The following DHX8 variants were observed in gnomAD, a reference collection of about 807,000 sequenced individuals.
DHX8 encodes DEAH-box helicase 8, also known as ATP-dependent RNA helicase DHX8.
DHX8 carries 67 observed loss-of-function variants against 140.7 expected under a neutral mutation model. The observed-to-expected ratio is 0.48, with a 90% CI of 0.39 to 0.58. DHX8 has a LOEUF of 0.58. Ranked by LOEUF, DHX8 falls within the 20% of genes least tolerant of loss-of-function variation. The pLI is 0.00. For missense variants in DHX8, 887 were observed against 1,550.7 expected (o/e 0.57, Z 7.19); for synonymous variants, 533 against 553.2 (o/e 0.96, Z 0.51).
chr17:43,500,122 T>C lies in DHX8; in HGVS notation c.1546+19T>C. 6.2e-7 allele frequency: 1 copy of C among 1,605,884 alleles called. No individual in the cohort carries two copies. Among genetic ancestry groups the C allele is most frequent in the Non-Finnish European group, 8.5e-7 (1 of 1,175,584 alleles). ...CCTGATGGTAGGACCCTTGGAGGGGTGTATGGACCTTGTTTAAAAATCTGA... is the reference window on the plus strand; with the variant it reads ...CCTGATGGTAGGACCCTTGGAGGGGCGTATGGACCTTGTTTAAAAATCTGA... On this transcript the variant is annotated intron_variant, in intron 11 of 22. Coordinates refer to ENST00000262415, the MANE Select transcript of DHX8 (RefSeq NM_004941.3).
At chr17:43,537,771 G>A (rs1055093055) in intron 3 of DHX8, among the ~76,000 whole-genome samples, 2 of 151,878 alleles carry the variant, frequency 1.3e-5, no homozygotes, top group Non-Finnish European at 2.9e-5. Flanking sequence ...GTGGTGGGCG[G>A]ATCACGAGGT....
chr17:43,505,226 G>A (rs372024115), intron 12 of DHX8, among the ~76,000 whole-genome samples: 29 of 152,196 alleles, frequency 1.9e-4, no homozygotes, highest in East Asian at 1.5e-3. Flanking sequence ...TGGCCAACAC[G>A]GTGAAACCTT....
In DHX8 at chr17:43,507,534, C is replaced by G. The variant is rs1598154128; in HGVS notation, c.1955C>G (p.Thr652Ser). ...VGYTIRFEDC[T>S]SPETVIKYMT... Reference sequence around the variant, plus strand: ...TACACCATTCGATTTGAGGACTGCACTAGCCCTGAAACAGTCATCAAGTAC... The same window carrying G: ...TACACCATTCGATTTGAGGACTGCAGTAGCCCTGAAACAGTCATCAAGTAC... The change falls in exon 14 of 23, where the codon ACT becomes AGT. Residue 652 changes from threonine to serine, a missense_variant. Physicochemically the swap from Thr to Ser is moderately conservative, Grantham distance 58 (BLOSUM62 1). Around this residue, in one of 9 missense-constraint regions of DHX8, gnomAD observed 178 missense variants for 398.5 expected, o/e 0.45. Transcript: ENST00000262415. 6.2e-7 allele frequency: 1 copy of G among 1,614,112 alleles called. No homozygotes were observed. The highest frequency in any genetic ancestry group is 8.5e-7 in the Non-Finnish European group (1 of 1,180,020).
At chr17:43,500,188 T>A in intron 11 of DHX8, 85 bp downstream of exon 11, 1 of 1,472,324 alleles carries the variant, frequency 6.8e-7, no homozygotes, top group Non-Finnish European at 9.2e-7. Flanking sequence ...CGGCACACAC[T>A]AAAAATTTAC....
chr17:43,523,062 C>CAAA (rs5820498), intron 22 of DHX8, among the ~76,000 whole-genome samples: 7 of 102,708 alleles, frequency 6.8e-5, no homozygotes, highest in East Asian at 2.7e-4. Context: ...GACTCCGTCC[C>CAAA]AAAAAAAAAA....
At chr17:43,532,402 G>A (rs547206655) in intron 2 of DHX8, among the ~76,000 whole-genome samples, 1 of 152,194 alleles carries the variant, frequency 6.6e-6, no homozygotes, top group East Asian at 1.9e-4. Context: ...GGGAGGCTGA[G>A]GCACAAGAAT....
At chr17:43,525,743 TAC>T, downstream of DHX8, 7 of 984,892 alleles carry the variant, frequency 7.1e-6, no homozygotes, top group Non-Finnish European at 8.4e-6. Flanking sequence ...TAGCTGGGAC[TAC>T]AGGTGCATGC....
At position 43,496,168 on chromosome 17, in the gene DHX8, C is replaced by T. The variant is rs2154586461; in HGVS notation, c.1213-13C>T. On this transcript the variant is annotated splice_polypyrimidine_tract_variant and intron_variant, in intron 8 of 22. Transcript: ENST00000262415. ...TAGCAGGTTACAAATGCTGCCTTCT[C>T]TTCTTTGGCTAGATGATTGCTGCCA... The T allele has an allele frequency of 1.9e-6, 3 of 1,608,690 alleles. No homozygotes were observed. Among genetic ancestry groups the T allele is most frequent in the Non-Finnish European group, 2.5e-6 (3 of 1,176,898 alleles).
At position 43,490,362 on chromosome 17, in the gene DHX8, C is replaced by A. The variant is rs138380766; in HGVS notation, c.235-29C>A. ...ATTTAAGCACTGATATGGGAGCTGA[C>A]AATTTTCGTTCTATGTTTCTTTTCA... On this transcript the variant is annotated intron_variant, in intron 2 of 22. Transcript: ENST00000262415. 7.3e-5 allele frequency: 116 copies of A among 1,591,470 alleles called. 1 individual carries two copies. The East Asian group carries it at 1.2e-3, about 17-fold the overall frequency.
intron 3 of DHX8, among the ~76,000 whole-genome samples, chr17:43,543,097 C>G (rs981707779): frequency 2.2e-4 from 34 of 152,094 alleles, no homozygotes; most frequent in African/African-American, 5.3e-4. Context: ...GCATCCCCCC[C>G]TCAGACCTGG....
intron 15 of DHX8, 122 bp downstream of exon 15, chr17:43,508,141 C>T (rs1431935120): frequency 8.7e-7 from 1 of 1,150,504 alleles, no homozygotes; most frequent in Non-Finnish European, 1.2e-6. Context: ...ATTCATCTCT[C>T]TGCAAGCCTC....
rs1598107086 is a variant in DHX8 at position 43,484,274 on chromosome 17, G to GA, written c.148+92dup. 1.9e-5 allele frequency: 27 copies of GA among 1,411,864 alleles called. No individual in the cohort carries two copies. In the East Asian group the frequency reaches 6.2e-4, roughly 33 times the overall value. 87.5% of individuals were successfully genotyped at this position (1,411,864 alleles called of 1,614,324 possible). ...GAAGGAGAAAGGTGGTTGATGGACC[G>GA]AAAGTATGTTCGTGTGAATCTGTCT... On this transcript the variant is annotated intron_variant, in intron 1 of 22. Transcript: ENST00000262415.
chr17:43,488,883 T>A (rs897879487), intron 1 of DHX8, among the ~76,000 whole-genome samples: 9 of 152,236 alleles, frequency 5.9e-5, no homozygotes, highest in African/African-American at 2.2e-4. Flanking sequence ...CTAGTTTAAA[T>A]GCACTCAAGG....
chr17:43,490,291 T>G, intron 2 of DHX8, 100 bp from the exon 3 acceptor site: 7 of 844,160 alleles, frequency 8.3e-6, no homozygotes, highest in Non-Finnish European at 1.4e-5. Flanking sequence ...TAAATTCAAG[T>G]GCGTAACCAC....
chr17:43,526,033 C>T (rs1970603637), downstream of DHX8: 1 of 985,276 alleles, frequency 1.0e-6, no homozygotes, highest in African/African-American at 1.7e-5. Context: ...TACGCTAGAG[C>T]TGAGGTCACT....
chr17:43,516,165 G>C (rs980761328), intron 17 of DHX8, among the ~76,000 whole-genome samples: 21 of 151,796 alleles, frequency 1.4e-4, no homozygotes, highest in Non-Finnish European at 2.8e-4. Context: ...ATGCAGTTTT[G>C]TATATTTTTT....
chr17:43,484,033 T>C lies in DHX8; in HGVS notation c.-5T>C. On this transcript the variant is annotated 5_prime_UTR_variant, in exon 1 of 23. Transcript: ENST00000262415. ...GAGGAAGGAGGTTCTGGGCAAGCTA[T>C]AGCCATGGCTGTGGCTGTAGCCATG... 1.9e-6 allele frequency: 3 copies of C among 1,614,012 alleles called. No individual in the cohort carries two copies. In the South Asian group the frequency reaches 3.3e-5, roughly 18 times the overall value.
At chr17:43,528,969 T>C (rs1325133199), downstream of DHX8, among the ~76,000 whole-genome samples, 1 of 152,160 alleles carries the variant, frequency 6.6e-6, no homozygotes, top group Non-Finnish European at 1.5e-5. Flanking sequence ...GTTGCACTTT[T>C]TTGGGGGAGG....
chr17:43,531,905 A>G (rs1483800505), intron 2 of DHX8, among the ~76,000 whole-genome samples: 2 of 152,238 alleles, frequency 1.3e-5, no homozygotes, highest in African/African-American at 2.4e-5. Context: ...CTGTCACAGT[A>G]GTTTGGTCTT....
Sources: gnomAD v4.1 joint callset for allele counts (sites outside exome capture counted in the v4.1 genomes callset) on GRCh38, gnomAD v4.1.1 for gene constraint, gnomAD v4.1.1 regional missense constraint, MANE v1.5 for transcripts, NCBI Gene and HGNC (gene_info 2026-07-23, HGNC 2026-07-21) for gene names.